NKIRAS1: variants seen among roughly 807,000 people sequenced by gnomAD.
NKIRAS1 encodes NFKB inhibitor interacting Ras like 1, also known as NF-kappa-B inhibitor-interacting Ras-like protein 1.
Under a neutral mutation model 19.8 loss-of-function variants are expected in NKIRAS1, and 16 were observed. The ratio of observed to expected loss-of-function variants is 0.81; its 90% CI spans 0.55 to 1.23. The LOEUF (loss-of-function observed/expected upper bound fraction) is 1.23, where lower values mean the gene tolerates loss of function less well. NKIRAS1 is among the 50% of genes most tolerant of loss of function. The pLI is 0.00. For missense variants in NKIRAS1, 184 were observed against 220.0 expected (o/e 0.84, Z 1.04); for synonymous variants, 88 against 79.0 (o/e 1.11, Z -0.61).
At chr3:23,900,108 G>A (rs1702363055) in intron 4 of NKIRAS1, among the ~76,000 whole-genome samples, 1 of 152,110 alleles carries the variant, frequency 6.6e-6, no homozygotes, top group Non-Finnish European at 1.5e-5. Flanking sequence ...GTTGCAGTGA[G>A]CCAAGATCGT....
At chr3:23,893,928 A>G (rs370611433) in intron 4 of NKIRAS1, among the ~76,000 whole-genome samples, 1 of 149,434 alleles carries the variant, frequency 6.7e-6, no homozygotes, top group South Asian at 2.1e-4. Context: ...ACTGGTTTCA[A>G]TGAGTCTGCA....
chr3:23,946,375 G>A (rs1559327516), exon 1 of NKIRAS1: 1 of 872,602 alleles, frequency 1.1e-6, no homozygotes, highest in Non-Finnish European at 1.4e-6. Flanking sequence ...CAGGCCGGAG[G>A]AGGCGCCTCG....
intron 1 of NKIRAS1, among the ~76,000 whole-genome samples, chr3:23,935,941 G>A (rs769746508): frequency 1.3e-5 from 2 of 151,804 alleles, no homozygotes; most frequent in Admixed American, 6.6e-5. Flanking sequence ...AAATTAGCCC[G>A]GTATGGTGGT....
intron 1 of NKIRAS1, among the ~76,000 whole-genome samples, chr3:23,938,095 T>C (rs1705429586): frequency 6.6e-6 from 1 of 152,154 alleles, no homozygotes; most frequent in Non-Finnish European, 1.5e-5. Context: ...CTGTATCCAC[T>C]TCTTATCTGA....
intron 1 of NKIRAS1, 105 bp downstream of exon 1, chr3:23,916,679 G>C (rs531183537): frequency 3.1e-4 from 47 of 152,784 alleles, no homozygotes; most frequent in Non-Finnish European, 4.6e-4. Context: ...CTGGGGCCCA[G>C]ATTTCTGCGC....
At chr3:23,917,804 T>G, upstream of NKIRAS1, 1 of 1,530,556 alleles carries the variant, frequency 6.5e-7, no homozygotes, top group Non-Finnish European at 8.8e-7. Context: ...AGTCGTCTTA[T>G]TGTACTTAAA....
chr3:23,938,209 C>CTTTTTTTTTTTTTTT (rs11418287), intron 1 of NKIRAS1, among the ~76,000 whole-genome samples: 2 of 137,656 alleles, frequency 1.5e-5, no homozygotes, highest in Non-Finnish European at 1.5e-5. Context: ...AGTACAGTAC[C>CTTTTTTTTTTTTTTT]TTTTTTTTTT....
At chr3:23,895,986 A>T (rs6798052) in intron 4 of NKIRAS1, among the ~76,000 whole-genome samples, 116,011 of 151,438 alleles carry the variant, frequency 0.77, 45,281 homozygotes, top group African/African-American at 0.9. Flanking sequence ...TACAAAAAAA[A>T]TAGCCGGGCA....
chr3:23,940,965 A>G (rs942317695), intron 1 of NKIRAS1, among the ~76,000 whole-genome samples: 2 of 152,184 alleles, frequency 1.3e-5, no homozygotes, highest in Non-Finnish European at 2.9e-5. Flanking sequence ...TTTGTGTTTT[A>G]AATGTCTCTG....
chr3:23,940,227 G>A (rs983655425), intron 1 of NKIRAS1, among the ~76,000 whole-genome samples: 1 of 150,804 alleles, frequency 6.6e-6, no homozygotes, highest in Non-Finnish European at 1.5e-5. Flanking sequence ...CACACCTGTG[G>A]TCCTAGCTAA....
intron 4 of NKIRAS1, among the ~76,000 whole-genome samples, chr3:23,899,617 T>C (rs927098824): frequency 6.6e-6 from 1 of 152,128 alleles, no homozygotes; most frequent in Admixed American, 6.5e-5. Flanking sequence ...GAAAGCTTAA[T>C]AGGAAAACAA....
At chr3:23,919,946 G>A (rs1704979961), upstream of NKIRAS1, 12 of 988,920 alleles carry the variant, frequency 1.2e-5, no homozygotes, top group Non-Finnish European at 1.4e-5. Context: ...GAAAATCTGG[G>A]TTAGCCTGAA....
intron 1 of NKIRAS1, among the ~76,000 whole-genome samples, chr3:23,932,665 G>C (rs1266841760): frequency 6.8e-6 from 1 of 146,586 alleles, no homozygotes; most frequent in Non-Finnish European, 1.5e-5. Flanking sequence ...TACAGCCTGG[G>C]CAACAAGAGC....
rs11915690 is a variant in NKIRAS1 at position 23,932,122 on chromosome 3, A to G, written c.-140+14201T>C. ...TATAATTATGGAACTGAAAACTCAC[A>G]ACTAAATGGAAGTCAGAAGTGATCA... On this transcript the variant is annotated intron_variant, in intron 1 of 4. Coordinates refer to the NKIRAS1 transcript ENST00000421515. 5.4e-3 allele frequency among the ~76,000 whole-genome samples: 818 copies of G among 152,284 alleles called. 8 individuals are homozygous for G. Among genetic ancestry groups the G allele is most frequent in the African/African-American group, 0.019 (798 of 41,568 alleles).
intron 1 of NKIRAS1, chr3:23,924,457 T>A (rs980152860): frequency 4.6e-5 from 7 of 152,152 alleles, no homozygotes; most frequent in Admixed American, 1.3e-4. Flanking sequence ...CAGGCTGGAG[T>A]ACAGTAGCAC....
chr3:23,908,242 T>A, intron 3 of NKIRAS1, among the ~76,000 whole-genome samples: 1 of 152,208 alleles, frequency 6.6e-6, no homozygotes, highest in Admixed American at 6.5e-5. Context: ...AAATGCAGGA[T>A]CAATCAATGA....
chr3:23,924,928 A>C (rs570535499), intron 1 of NKIRAS1, among the ~76,000 whole-genome samples: 118 of 152,310 alleles, frequency 7.7e-4, no homozygotes, highest in African/African-American at 2.7e-3. Flanking sequence ...ATCATACTTC[A>C]TGTATGTTAA....
chr3:23,941,593 CT>C (rs1470475846), intron 1 of NKIRAS1, among the ~76,000 whole-genome samples: 1 of 152,136 alleles, frequency 6.6e-6, no homozygotes, highest in Non-Finnish European at 1.5e-5. Context: ...AATGAGGCTC[CT>C]TGGAATGACA....
At chr3:23,935,379 CAA>C (rs11373255) in intron 1 of NKIRAS1, among the ~76,000 whole-genome samples, 24 of 148,950 alleles carry the variant, frequency 1.6e-4, no homozygotes, top group African/African-American at 4.2e-4. Context: ...TCTGATTAGA[CAA>C]AAAAAAAAAA....
Sources: allele counts gnomAD v4.1 joint callset (sites outside exome capture counted in the v4.1 genomes callset), GRCh38; gene constraint gnomAD v4.1.1; transcripts MANE v1.5; gene names NCBI Gene and HGNC (gene_info 2026-07-23, HGNC 2026-07-21).